The following RSPH6A variants were observed in gnomAD, a reference collection of about 807,000 sequenced individuals.
The protein encoded by RSPH6A is radial spoke head protein 6 homolog A.
A neutral mutation model predicts 66.1 loss-of-function variants in RSPH6A; 49 were observed. The ratio of observed to expected loss-of-function variants is 0.74; its 90% CI spans 0.59 to 0.94. The LOEUF (loss-of-function observed/expected upper bound fraction) is 0.94, where lower values mean the gene tolerates loss of function less well. RSPH6A is among the 40% of genes least tolerant of loss of function. RSPH6A has a pLI of 0.00. For synonymous variants in RSPH6A, 419 were observed against 402.4 expected (o/e 1.04, Z -0.49); for missense variants, 977 against 948.3 (o/e 1.03, Z -0.40).
Position 45,804,261 on chromosome 19 carries a change from G to GA in RSPH6A, c.1643dup (p.Leu549ProfsTer30). 6.2e-7 allele frequency: 1 copy of GA among 1,607,228 alleles called. No homozygotes were observed. The highest frequency in any genetic ancestry group is 2.2e-5 in the East Asian group (1 of 44,718). On this transcript the variant is annotated frameshift_variant, in exon 3 of 6. Coordinates refer to ENST00000221538, the MANE Select transcript of RSPH6A (RefSeq NM_030785.4). LOFTEE classifies it high-confidence loss of function. This position sits in a 1 kb window ranked among gnomAD's most constrained non-coding sequence, Gnocchi z 5.8. ...GAGTCCCGGCGCTCACCTGCGGCAG[G>GA]ATGTGCTGTGTGTGATGCACCCAGT... is the stretch of plus-strand genomic sequence containing the variant.
At chr19:45,802,350 A>G (rs750319349) in intron 3 of RSPH6A, 86 bp from the exon 4 acceptor site, 3 of 1,222,806 alleles carry the variant, frequency 2.5e-6, no homozygotes, top group Non-Finnish European at 3.1e-6. Flanking sequence ...GCCAACAGGC[A>G]TAGCCTTGTC....
chr19:45,815,124 C>G lies in RSPH6A; in HGVS notation c.53G>C (p.Arg18Pro). 3.1e-6 allele frequency: 5 copies of G among 1,611,862 alleles called. No homozygotes were observed. Among genetic ancestry groups the G allele is most frequent in the Non-Finnish European group, 4.2e-6 (5 of 1,179,928 alleles). ...CCTCTGGGAGGCCTGAGAAGTCCTC[C>G]GGCCCGGAGGCTGCTGGGCAGGGCG... The part of the protein sequence containing the change: ...PERPAQQPPG[R>P]RTSQASQRRH... The change falls in exon 1 of 6, where the codon CGG becomes CCG. Residue 18 changes from arginine (R) to proline (P), a missense_variant. Coordinates refer to ENST00000221538, the MANE Select transcript of RSPH6A (RefSeq NM_030785.4).
At chr19:45,805,074 T>C in intron 2 of RSPH6A, 58 bp from the exon 3 acceptor site, 1 of 1,440,370 alleles carries the variant, frequency 6.9e-7, no homozygotes, top group South Asian at 1.3e-5. Context: ...CTCCCTAGCC[T>C]ACCTCTTCCA....
chr19:45,813,257 T>C (rs766873655), intron 1 of RSPH6A, among the ~76,000 whole-genome samples: 1 of 152,126 alleles, frequency 6.6e-6, no homozygotes, highest in African/African-American at 2.4e-5. Context: ...TGGCTCACTC[T>C]TCCTCCGGTC....
rs112734255 is a variant in RSPH6A at position 45,800,776 on chromosome 19, T to A, written c.1799-213A>T. Among the ~76,000 whole-genome samples the A allele has an allele frequency of 1.5e-3, 170 of 110,306 alleles. No homozygotes were observed. The East Asian group carries it at 0.029, about 19-fold the overall frequency. 72.4% of individuals were successfully genotyped at this position (110,306 alleles called of 152,430 possible). A position where few individuals can be genotyped will look rare whatever the true frequency, so the allele number is the denominator to read the frequency against. On this transcript the variant is annotated intron_variant, in intron 4 of 5. Transcript: ENST00000221538. Reference sequence around the variant, plus strand: ...CACACACACACACACACACACACACTCTCTCTCTCTCTCTCGCTCTCTTTT... The same window carrying A: ...CACACACACACACACACACACACACACTCTCTCTCTCTCTCGCTCTCTTTT...
chr19:45,804,843 G>A lies in RSPH6A; in HGVS notation c.1062C>T (p.Ser354=), dbSNP rs139997369. 14 of 1,614,084 alleles carry A rather than the reference G, an allele frequency of 8.7e-6. No individual in the cohort carries two copies. The highest frequency in any genetic ancestry group is 1.2e-5 in the Non-Finnish European group (14 of 1,180,048). The change falls in exon 3 of 6, where the codon AGC becomes AGT. Residue 354 remains serine (S), a synonymous_variant. Coordinates refer to ENST00000221538, the MANE Select transcript of RSPH6A (RefSeq NM_030785.4). This position sits in a 1 kb window ranked among gnomAD's most constrained non-coding sequence, Gnocchi z 5.8. ...GGAATTCCACCTCGGCCACCAGGTA[G>A]CTGCGTTTGATTCCCAGGATCTTGC... ...FWGKILGIKR[S]YLVAEVEFRE...
chr19:45,797,978 C>A (rs1198722025), intron 5 of RSPH6A, among the ~76,000 whole-genome samples: 2 of 152,044 alleles, frequency 1.3e-5, no homozygotes, highest in East Asian at 3.8e-4. Flanking sequence ...AGCCTTTCTG[C>A]AGAATTTTAA....
chr19:45,802,377 C>A, intron 3 of RSPH6A, 113 bp from the exon 4 acceptor site: 1 of 973,510 alleles, frequency 1.0e-6, no homozygotes, highest in Non-Finnish European at 1.3e-6. Context: ...GACCCAGGCA[C>A]AGGCAAGAGG....
intron 2 of RSPH6A, among the ~76,000 whole-genome samples, chr19:45,806,504 C>G (rs1011844596): frequency 2.0e-5 from 3 of 151,448 alleles, no homozygotes; most frequent in Admixed American, 6.6e-5. Flanking sequence ...AATCTGGTCT[C>G]TACTAAAAAT....
chr19:45,812,533 T>C (rs1383913566), intron 1 of RSPH6A, among the ~76,000 whole-genome samples: 1 of 152,066 alleles, frequency 6.6e-6, no homozygotes, highest in Non-Finnish European at 1.5e-5. Context: ...GGTGAGACTT[T>C]GGCTAGGGCT....
intron 4 of RSPH6A, 43 bp downstream of exon 4, chr19:45,802,077 C>T: frequency 7.4e-7 from 1 of 1,354,718 alleles, no homozygotes; most frequent in Non-Finnish European, 9.6e-7. Context: ...TTCTTCCCAG[C>T]CCTCCCCAGC....
At position 45,795,880 on chromosome 19, in the gene RSPH6A, T is replaced by TCCTCGCCCTCCTCCTC; in HGVS notation, c.2142_2143insGAGGAGGAGGGCGAGG (p.Thr715GlufsTer8). On this transcript the variant is annotated frameshift_variant, in exon 6 of 6. Transcript: ENST00000221538. LOFTEE classifies it high-confidence loss of function. ...CTAGAGGGTGGGCCTCAGTCATCTGTCTCCTCGCCCTCCTCCTCCTCCTCG... is the reference window on the plus strand; with the variant it reads ...CTAGAGGGTGGGCCTCAGTCATCTGTCCTCGCCCTCCTCCTCCTCCTCGCCCTCCTCCTCCTCCTCG... 2 of 1,565,618 alleles carry TCCTCGCCCTCCTCCTC rather than the reference T, an allele frequency of 1.3e-6. No homozygotes were observed. Among genetic ancestry groups the TCCTCGCCCTCCTCCTC allele is most frequent in the Non-Finnish European group, 1.7e-6 (2 of 1,151,784 alleles).
chr19:45,796,302 C>T (rs900222654), intron 5 of RSPH6A, among the ~76,000 whole-genome samples, 196 bp from the exon 6 acceptor site: 4 of 151,970 alleles, frequency 2.6e-5, no homozygotes, highest in African/African-American at 7.2e-5. Flanking sequence ...TACAGGCACG[C>T]GTCACTACGC....
chr19:45,797,395 GAAAT>G (rs1469826141), intron 5 of RSPH6A, among the ~76,000 whole-genome samples: 3 of 147,670 alleles, frequency 2.0e-5, no homozygotes, highest in Non-Finnish European at 4.5e-5. Context: ...AAAAAAAAAA[GAAAT>G]AAGTAACTAA....
At position 45,804,293 on chromosome 19, in the gene RSPH6A, T is replaced by G. The variant is rs749738592; in HGVS notation, c.1612A>C (p.Met538Leu). ...TGTGTGTGATGCACCCAGTTGGCCA[T>G]GGAGTCGACCAGCTCCAGCACGGGG... is the stretch of plus-strand genomic sequence containing the variant. ...GIPVLELVDS[M>L]ANWVHHTQHI... The change falls in exon 3 of 6, where the codon ATG becomes CTG. Residue 538 changes from methionine to leucine, a missense_variant. Coordinates refer to ENST00000221538, the MANE Select transcript of RSPH6A (RefSeq NM_030785.4). The surrounding 1 kb of genome is among the most constrained non-coding windows in gnomAD (Gnocchi z 5.8). 1.9e-6 allele frequency: 3 copies of G among 1,613,826 alleles called. No homozygotes were observed. The highest frequency in any genetic ancestry group is 2.5e-6 in the Non-Finnish European group (3 of 1,179,834).
At position 45,795,810 on chromosome 19, in the gene RSPH6A, TA is replaced by T; in HGVS notation, c.*58del. 1.4e-6 allele frequency: 2 copies of T among 1,447,406 alleles called. No homozygotes were observed. Among genetic ancestry groups the T allele is most frequent in the South Asian group, 2.5e-5 (2 of 80,196 alleles). 89.7% of individuals were successfully genotyped at this position (1,447,406 alleles called of 1,614,324 possible). ...TAGTGAAAATATAATCCATGCTAAC[TA>T]CCTCTAAGGGGAAATTTGCTATCTA... On this transcript the variant is annotated 3_prime_UTR_variant, in exon 6 of 6. Coordinates refer to ENST00000221538, the MANE Select transcript of RSPH6A (RefSeq NM_030785.4).
intron 1 of RSPH6A, among the ~76,000 whole-genome samples, 192 bp downstream of exon 1, chr19:45,814,335 T>TGTCGGTGAGAATTAGGTGAGG (rs1568602527): frequency 6.6e-6 from 1 of 152,016 alleles, no homozygotes; most frequent in Admixed American, 6.5e-5. Flanking sequence ...ATTAGGTGAG[T>TGTCGGTGAGAATTAGGTGAGG]GTGTGCAGTG....
chr19:45,796,061 G>A lies in RSPH6A; in HGVS notation c.1962C>T (p.Pro654=), dbSNP rs1470461505. The A allele has an allele frequency of 1.9e-5, 30 of 1,608,340 alleles. No homozygotes were observed. Among genetic ancestry groups the A allele is most frequent in the African/African-American group, 2.7e-5 (2 of 74,892 alleles). The change falls in exon 6 of 6, where the codon CCC becomes CCT. Residue 654 remains proline, a synonymous_variant. Transcript: ENST00000221538. Reference sequence around the variant, plus strand: ...CTGGCAGGGCCGGGTTGAAGCTCTCGGGGCTGTACTTGTGACCCCAGCCGA... The same window carrying A: ...CTGGCAGGGCCGGGTTGAAGCTCTCAGGGCTGTACTTGTGACCCCAGCCGA... ...IYIGWGHKYS[P]ESFNPALPAP... is the part of the protein sequence containing the mutation.
At chr19:45,814,436 A>T in intron 1 of RSPH6A, 91 bp downstream of exon 1, 1 of 1,204,622 alleles carries the variant, frequency 8.3e-7, no homozygotes, top group Non-Finnish European at 1.1e-6. Context: ...ATGAGGGATG[A>T]TCCCTTGTCT....
Sources: allele counts gnomAD v4.1 joint callset (sites outside exome capture counted in the v4.1 genomes callset), GRCh38; gene constraint gnomAD v4.1.1; non-coding constraint Gnocchi (gnomAD v3.1); transcripts MANE v1.5; gene names NCBI Gene and HGNC (gene_info 2026-07-23, HGNC 2026-07-21).